Variants in ALK observed in about 807,000 individuals in gnomAD.
ALK encodes ALK receptor tyrosine kinase.
ALK carries 74 observed loss-of-function variants against 163.1 expected under a neutral mutation model. The ratio of observed to expected loss-of-function variants is 0.45; its 90% confidence interval spans 0.38 to 0.55. The LOEUF (loss-of-function observed/expected upper bound fraction) is 0.55, where lower values mean the gene tolerates loss of function less well. ALK is among the 20% of genes least tolerant of loss of function. The pLI is 0.00. For synonymous variants in ALK, 960 were observed against 843.2 expected, an observed-to-expected ratio of 1.14 and a Z score of -2.40; for missense variants, 2,063 against 2,105.3, an observed-to-expected ratio of 0.98 and a Z score of 0.39.
intron 3 of ALK, among the ~76,000 whole-genome samples, chr2:29,560,640 C>T (rs556846030): frequency 7.9e-5 from 12 of 151,626 alleles, no homozygotes; most frequent in South Asian, 4.2e-4. Flanking sequence ...GGCATAATTT[C>T]GGCTCACTGC....
intron 3 of ALK, among the ~76,000 whole-genome samples, chr2:29,642,126 A>T (rs1306412839): frequency 2.0e-5 from 3 of 152,182 alleles, no homozygotes; most frequent in Non-Finnish European, 4.4e-5. Context: ...TGTCAGACAT[A>T]TAGACTCTCA....
At chr2:29,630,762 C>T (rs564183635) in intron 3 of ALK, among the ~76,000 whole-genome samples, 12 of 152,026 alleles carry the variant, frequency 7.9e-5, no homozygotes, top group East Asian at 3.9e-4. Context: ...TTGTTGTCTA[C>T]GTCTTTGAGG....
At chr2:29,792,461 C>T (rs1664211644) in intron 1 of ALK, among the ~76,000 whole-genome samples, 1 of 151,970 alleles carries the variant, frequency 6.6e-6, no homozygotes, top group Non-Finnish European at 1.5e-5. Flanking sequence ...AATCATCTAC[C>T]ACAATAAAAG....
chr2:29,916,080 G>A (rs1303292758), intron 1 of ALK, among the ~76,000 whole-genome samples: 1 of 152,154 alleles, frequency 6.6e-6, no homozygotes, highest in Admixed American at 6.5e-5. Context: ...CCAGCTCTCT[G>A]TCCTGTTGTA....
intron 3 of ALK, among the ~76,000 whole-genome samples, chr2:29,648,208 T>G (rs1047923311): frequency 2.0e-5 from 3 of 152,206 alleles, no homozygotes; most frequent in Non-Finnish European, 4.4e-5. Flanking sequence ...TTTTAATTTT[T>G]ATTGAAGTAT....
At chr2:29,510,170 T>G (rs1672471132) in intron 4 of ALK, among the ~76,000 whole-genome samples, 1 of 152,166 alleles carries the variant, frequency 6.6e-6, no homozygotes, top group Non-Finnish European at 1.5e-5. Context: ...GGAAGCTGAC[T>G]CCATTTCTTT....
intron 23 of ALK, among the ~76,000 whole-genome samples, chr2:29,216,976 TGTGTGTGTGGCATGTGAG>T (rs1191337963): frequency 2.2e-5 from 3 of 137,056 alleles, no homozygotes; most frequent in Non-Finnish European, 1.6e-5. Flanking sequence ...GTGTGCGTGG[TGTGTGTGTGGCATGTGAG>T]GTGTGTGTGG....
chr2:29,478,458 C>T (rs79841596), intron 4 of ALK, among the ~76,000 whole-genome samples: 1,652 of 152,340 alleles, frequency 0.011, 8 homozygotes, highest in Non-Finnish European at 0.017. Context: ...GGAAACAGAG[C>T]CTTGGACAGG....
intron 3 of ALK, among the ~76,000 whole-genome samples, chr2:29,543,986 T>C (rs945799519): frequency 6.6e-6 from 1 of 152,204 alleles, no homozygotes; most frequent in Non-Finnish European, 1.5e-5. Context: ...CATGGATGGA[T>C]GGATTTCCAT....
At chr2:29,235,085 C>T (rs1018151348) in intron 13 of ALK, among the ~76,000 whole-genome samples, 1 of 152,218 alleles carries the variant, frequency 6.6e-6, no homozygotes, top group Non-Finnish European at 1.5e-5. Flanking sequence ...ATTAGAGAGT[C>T]CCCAGGATTG....
intron 2 of ALK, among the ~76,000 whole-genome samples, chr2:29,708,888 C>A (rs1678989859): frequency 6.6e-6 from 1 of 152,124 alleles, no homozygotes; most frequent in African/African-American, 2.4e-5. Flanking sequence ...TCTCATAGAC[C>A]AAATTATTCT....
intron 1 of ALK, among the ~76,000 whole-genome samples, chr2:29,907,358 C>G (rs1325612604): frequency 6.6e-6 from 1 of 152,144 alleles, no homozygotes; most frequent in Non-Finnish European, 1.5e-5. Context: ...ATTTCATTCT[C>G]TTTCTCTTCT....
intron 1 of ALK, among the ~76,000 whole-genome samples, chr2:29,841,243 T>C (rs1363516085): frequency 2.6e-5 from 4 of 152,312 alleles, no homozygotes; most frequent in African/African-American, 9.6e-5. Context: ...AGCAATTTTT[T>C]CCAAGATAAC....
chr2:29,378,600 A>G (rs553365323), intron 5 of ALK, among the ~76,000 whole-genome samples: 73 of 152,316 alleles, frequency 4.8e-4, no homozygotes, highest in African/African-American at 1.7e-3. Context: ...ATGAGTTAAT[A>G]TATGTACCAT....
intron 3 of ALK, among the ~76,000 whole-genome samples, chr2:29,605,913 A>G (rs139681229): frequency 4.3e-4 from 65 of 152,060 alleles, no homozygotes; most frequent in African/African-American, 1.4e-3. Context: ...TTATCAGCTG[A>G]AATTTGCTCC....
intron 5 of ALK, among the ~76,000 whole-genome samples, chr2:29,377,672 G>T (rs1428747217): frequency 6.6e-6 from 1 of 152,112 alleles, no homozygotes; most frequent in Non-Finnish European, 1.5e-5. Context: ...TAAGGCTTCA[G>T]GCTCTAGAAA....
Position 29,209,513 on chromosome 2 carries a change from G to A in ALK, c.3836+273C>T, listed in dbSNP as rs552408328. The stretch of plus-strand genomic sequence containing the variant: ...GCCGAGTTCGTGCCATGGCACTCCA[G>A]CCTGGGCAACAAGAGCGAAACTCCG... On this transcript the variant is annotated intron_variant, in intron 25 of 28. Transcript: ENST00000389048. Among the ~76,000 whole-genome samples the A allele has an allele frequency of 2.1e-5, 3 of 140,498 alleles. No homozygotes were observed. The South Asian group carries it at 6.7e-4, about 31-fold the overall frequency. The allele number at this position is 140,498 out of a possible 152,430, so 92.2% of individuals were successfully genotyped here.
chr2:29,739,842 C>G (rs898524328), intron 1 of ALK, among the ~76,000 whole-genome samples: 1 of 152,026 alleles, frequency 6.6e-6, no homozygotes, highest in Non-Finnish European at 1.5e-5. Flanking sequence ...TAATTAGAGG[C>G]AAGCATGGGT....
At position 29,713,648 on chromosome 2, in the gene ALK, G is replaced by A. The variant is rs560507833; in HGVS notation, c.787+3930C>T. On this transcript the variant is annotated intron_variant, in intron 2 of 28. Transcript: ENST00000389048. Reference sequence around the variant, plus strand: ...ATATGATAGAAAGAGCACACAGAGAGTCAGAAAGTCCAGGTTCATTCTTTT... The same window carrying A: ...ATATGATAGAAAGAGCACACAGAGAATCAGAAAGTCCAGGTTCATTCTTTT... Among the ~76,000 whole-genome samples, 7 of 152,268 alleles carry A rather than the reference G, an allele frequency of 4.6e-5. No homozygotes were observed. The East Asian group carries it at 1.4e-3, about 29-fold the overall frequency.
Sources: gnomAD v4.1 joint callset for allele counts (sites outside exome capture counted in the v4.1 genomes callset) on GRCh38, gnomAD v4.1.1 for gene constraint, MANE v1.5 for transcripts, NCBI Gene and HGNC (gene_info 2026-07-23, HGNC 2026-07-21) for gene names.